SUOX: variants seen among roughly 807,000 people sequenced by gnomAD.
The protein encoded by SUOX is sulfite oxidase.
In SUOX, 39 loss-of-function variants were observed where a neutral mutation model predicts 41.9. That is an observed-to-expected ratio of 0.93 (90% confidence interval 0.72 to 1.21). SUOX has a LOEUF of 1.21. Ranked by LOEUF, SUOX falls within the 50% of genes most tolerant of loss-of-function variation. The probability of loss-of-function intolerance (pLI) is 0.00; values close to 1 mark genes in which losing one functional copy is unlikely to be tolerated. For synonymous variants in SUOX, 220 were observed against 268.4 expected (o/e 0.82, Z 1.76); for missense variants, 633 against 689.5 (o/e 0.92, Z 0.92).
In SUOX at chr12:56,004,183, C is replaced by A. The variant is rs121908008; in HGVS notation, c.794C>A (p.Ala265Asp). Residue 265 changes from alanine (A) to aspartate (D), a missense_variant, in exon 5 of 5, where the codon GCC becomes GAC. By Grantham distance (126) the Ala-to-Asp change is moderately radical (BLOSUM62 -2). Coordinates refer to ENST00000266971, the MANE Select transcript of SUOX (RefSeq NM_001032386.2). This position sits in a 1 kb window ranked among gnomAD's most constrained non-coding sequence, Gnocchi z 4.5. The stretch of plus-strand genomic sequence containing the variant: ...GAGATCACAGTCACTCTGCAGTGTG[C>A]CGGCAACCGACGCTCTGAGATGACT... ...RYEITVTLQC[A>D]GNRRSEMTQV... is the part of the protein sequence containing the mutation. 61 of 1,614,102 alleles carry A rather than the reference C, an allele frequency of 3.8e-5. No individual in the cohort carries two copies. The highest frequency in any genetic ancestry group is 5.2e-5 in the Non-Finnish European group (61 of 1,180,024).
chr12:56,000,896 C>T (rs1347460773), intron 2 of SUOX, among the ~76,000 whole-genome samples: 1 of 151,722 alleles, frequency 6.6e-6, no homozygotes, highest in African/African-American at 2.4e-5. Flanking sequence ...ACGCCATTCT[C>T]CTGTCTCCGG....
rs764992988 is a variant in SUOX, at chr12:56,004,949, C to G, written c.1560C>G (p.Asp520Glu). 1 of 1,614,090 alleles carries G rather than the reference C, an allele frequency of 6.2e-7. No individual in the cohort carries two copies. Among genetic ancestry groups the G allele is most frequent in the Non-Finnish European group, 8.5e-7 (1 of 1,180,050 alleles). ...ATGATGGTTACAATGTGCAGCCAGA[C>G]ACCGTGGCCCCAATCTGGAACCTGC... ...AVDDGYNVQP[D>E]TVAPIWNLRG... Residue 520 changes from aspartate (D) to glutamate (E), a missense_variant, in exon 5 of 5, where the codon GAC becomes GAG. Coordinates refer to ENST00000266971, the MANE Select transcript of SUOX (RefSeq NM_001032386.2). This position sits in a 1 kb window ranked among gnomAD's most constrained non-coding sequence, Gnocchi z 4.5.
intron 4 of SUOX, 54 bp from the exon 5 acceptor site, chr12:56,003,564 T>C: frequency 6.4e-7 from 1 of 1,573,650 alleles, no homozygotes; most frequent in Non-Finnish European, 8.7e-7. Context: ...CCCGACCAAG[T>C]GATTTCTTCT....
intron 2 of SUOX, 38 bp from the exon 3 acceptor site, chr12:56,002,174 G>A (rs1439376292): frequency 6.2e-7 from 1 of 1,611,026 alleles, no homozygotes; most frequent in Non-Finnish European, 8.5e-7. Flanking sequence ...CCCCTCCCAG[G>A]GTCTCCCTAT....
rs1252089438 is a variant in SUOX, at chr12:56,004,598, C to G, written c.1209C>G (p.Phe403Leu). 1 of 1,614,094 alleles carries G rather than the reference C, an allele frequency of 6.2e-7. No individual in the cohort carries two copies. Among genetic ancestry groups the G allele is most frequent in the African/African-American group, 1.3e-5 (1 of 74,936 alleles). The change falls in exon 5 of 5, where the codon TTC becomes TTG. Residue 403 changes from phenylalanine (F) to leucine (L), a missense_variant. Physicochemically the swap from Phe to Leu is conservative, Grantham distance 22. Transcript: ENST00000266971. The surrounding 1 kb of genome is among the most constrained non-coding windows in gnomAD (Gnocchi z 4.5). ...GGCAACGGCGGGATTACAAAGGCTT[C>G]TCTCCATCTGTGGACTGGGAGACTG... Reference protein sequence around the residue: ...SHWQRRDYKGFSPSVDWETVD... With the variant: ...SHWQRRDYKGLSPSVDWETVD...
intron 2 of SUOX, among the ~76,000 whole-genome samples, chr12:55,998,145 A>G (rs1170959398): frequency 1.3e-5 from 2 of 152,050 alleles, no homozygotes; most frequent in African/African-American, 4.8e-5. Context: ...AAAGCCTTCA[A>G]AGACAATGTT....
In SUOX at chr12:56,004,715, G is replaced by A; in HGVS notation, c.1326G>A (p.Glu442=). 6.2e-7 allele frequency: 1 copy of A among 1,614,170 alleles called. No homozygotes were observed. Among genetic ancestry groups the A allele is most frequent in the Non-Finnish European group, 8.5e-7 (1 of 1,180,030 alleles). The change falls in exon 5 of 5, where the codon GAG becomes GAA. Residue 442 remains glutamate, a synonymous_variant. Transcript: ENST00000266971. The surrounding 1 kb of genome is among the most constrained non-coding windows in gnomAD (Gnocchi z 4.5). ...PRDGETVESG[E]VTIKGYAWSG... is the part of the protein sequence containing the mutation. ...ATGGAGAGACTGTAGAATCAGGGGAGGTGACCATCAAGGGCTATGCATGGA... is the reference window on the plus strand; with the variant it reads ...ATGGAGAGACTGTAGAATCAGGGGAAGTGACCATCAAGGGCTATGCATGGA...
Position 56,005,519 on chromosome 12 carries a change from A to G in SUOX, c.*492A>G. 2 of 307,748 alleles carry G rather than the reference A, an allele frequency of 6.5e-6. No individual in the cohort carries two copies. The highest frequency in any genetic ancestry group is 1.2e-5 in the Non-Finnish European group (2 of 166,934). The allele number at this position is 307,748 out of a possible 1,614,324, so 19.1% of individuals were successfully genotyped here. A position where few individuals can be genotyped will look rare whatever the true frequency, so the allele number is the denominator to read the frequency against. On this transcript the variant is annotated 3_prime_UTR_variant, in exon 5 of 5. Coordinates refer to ENST00000266971, the MANE Select transcript of SUOX (RefSeq NM_001032386.2). ...TTTTCTAATAAATAGTCTGTTTAAG[A>G]TCATAACTCTTGGGCCTGGGGAGTG...
chr12:56,004,093 TA>T lies in SUOX; in HGVS notation c.705del (p.Gly236GlufsTer37). On this transcript the variant is annotated frameshift_variant, in exon 5 of 5. Coordinates refer to ENST00000266971, the MANE Select transcript of SUOX (RefSeq NM_001032386.2). LOFTEE classifies it high-confidence loss of function. This position sits in a 1 kb window ranked among gnomAD's most constrained non-coding sequence, Gnocchi z 4.5. Reference sequence around the variant, plus strand: ...CCAGACACCTATCGCTTACACGTAGTAGGAGCACCTGGGGGTCAGTCACTGT... The same window carrying T: ...CCAGACACCTATCGCTTACACGTAGTGGAGCACCTGGGGGTCAGTCACTGT... ...LDPDTYRLHVVGAPGGQSLSL... is the reference protein window; with the variant it reads ...LDPDTYRLHVXGAPGGQSLSL... 1 of 1,614,198 alleles carries T rather than the reference TA, an allele frequency of 6.2e-7. No homozygotes were observed. The highest frequency in any genetic ancestry group is 1.3e-5 in the African/African-American group (1 of 75,042).
At chr12:56,000,594 A>G (rs1890481235) in intron 2 of SUOX, among the ~76,000 whole-genome samples, 1 of 152,158 alleles carries the variant, frequency 6.6e-6, no homozygotes, top group Admixed American at 6.5e-5. Context: ...GGGCTCCCAC[A>G]GTGCAGCGGC....
chr12:56,002,986 T>A (rs1890590017), intron 4 of SUOX: 3 of 387,744 alleles, frequency 7.7e-6, no homozygotes, highest in Non-Finnish European at 1.5e-5. Flanking sequence ...AAGATCAAGA[T>A]CAGGCCACTG....
chr12:55,997,946 G>T (rs529964178), intron 2 of SUOX, among the ~76,000 whole-genome samples: 102 of 152,246 alleles, frequency 6.7e-4, no homozygotes, highest in African/African-American at 2.4e-3. Flanking sequence ...AACTTGCAGG[G>T]CAGAGAGCAG....
At chr12:56,000,601 C>T (rs1890481563) in intron 2 of SUOX, among the ~76,000 whole-genome samples, 1 of 152,300 alleles carries the variant, frequency 6.6e-6, no homozygotes, top group East Asian at 1.9e-4. Context: ...CACAGTGCAG[C>T]GGCGAGCTGA....
At chr12:55,997,865 T>G in intron 2 of SUOX, 142 bp downstream of exon 2, 1 of 152,308 alleles carries the variant, frequency 6.6e-6, no homozygotes, top group East Asian at 1.9e-4. Flanking sequence ...ATCAGCAGTT[T>G]AGACATTTGT....
In SUOX at chr12:56,005,111, T is replaced by C; in HGVS notation, c.*84T>C. 1 of 1,511,718 alleles carries C rather than the reference T, an allele frequency of 6.6e-7. No individual in the cohort carries two copies. The allele number at this position is 1,511,718 out of a possible 1,614,324, so 93.6% of individuals were successfully genotyped here. ...AAATCTTTCCCACCTTTCAACTTCT[T>C]GGATCACAACTCTGGCCTTCCTAAG... is the stretch of plus-strand genomic sequence containing the variant. On this transcript the variant is annotated 3_prime_UTR_variant, in exon 5 of 5. Transcript: ENST00000266971.
chr12:56,000,408 G>A (rs971655733), intron 2 of SUOX, among the ~76,000 whole-genome samples: 2 of 152,248 alleles, frequency 1.3e-5, no homozygotes, highest in East Asian at 1.9e-4. Flanking sequence ...CTCATTGCCC[G>A]GGGCCGGCAG....
At chr12:56,002,393 G>A (rs867214359) in intron 3 of SUOX, 122 bp downstream of exon 3, 189 of 1,499,348 alleles carry the variant, frequency 1.3e-4, no homozygotes, top group Middle Eastern at 1.2e-3. Flanking sequence ...GACAGAGAAA[G>A]CCAGATCCCA....
In SUOX at chr12:56,004,566, A is replaced by G. The variant is rs767199607; in HGVS notation, c.1177A>G (p.Ser393Gly). ...RVSVQPEESY[S>G]HWQRRDYKGF... ...GAGTGTGCAGCCAGAGGAAAGTTAC[A>G]GCCACTGGCAACGGCGGGATTACAA... The change falls in exon 5 of 5, where the codon AGC (serine) becomes GGC (glycine). Residue 393 changes from serine to glycine, a missense_variant. Transcript: ENST00000266971. The surrounding 1 kb of genome is among the most constrained non-coding windows in gnomAD (Gnocchi z 4.5). 1 of 1,614,182 alleles carries G rather than the reference A, an allele frequency of 6.2e-7. No individual in the cohort carries two copies. The highest frequency in any genetic ancestry group is 8.5e-7 in the Non-Finnish European group (1 of 1,180,036).
intron 2 of SUOX, among the ~76,000 whole-genome samples, chr12:55,998,450 G>C (rs1890388582): frequency 6.6e-6 from 1 of 152,070 alleles, no homozygotes; most frequent in Non-Finnish European, 1.5e-5. Flanking sequence ...AGGAGGTTGA[G>C]GCAGGAGGAT....
Sources: allele counts gnomAD v4.1 joint callset (sites outside exome capture counted in the v4.1 genomes callset), GRCh38; gene constraint gnomAD v4.1.1; non-coding constraint Gnocchi (gnomAD v3.1); transcripts MANE v1.5; gene names NCBI Gene and HGNC (gene_info 2026-07-23, HGNC 2026-07-21).